The following TAFA2 variants were observed in gnomAD, a reference collection of about 807,000 sequenced individuals.
TAFA2 encodes chemokine-like protein TAFA-2.
A neutral mutation model predicts 18.8 loss-of-function variants in TAFA2; 7 were observed. The ratio of observed to expected loss-of-function variants is 0.37; its 90% CI spans 0.21 to 0.70. The LOEUF is 0.70. Ranked by LOEUF, TAFA2 falls within the 30% of genes least tolerant of loss-of-function variation. The pLI is 0.53. For synonymous variants in TAFA2, 60 were observed against 54.2 expected (o/e 1.11, Z -0.47); for missense variants, 122 against 158.1 (o/e 0.77, Z 1.23).
At chr12:61,847,067 ACTATCT>A (rs1264546307) in intron 2 of TAFA2, among the ~76,000 whole-genome samples, 1 of 152,210 alleles carries the variant, frequency 6.6e-6, no homozygotes, top group Non-Finnish European at 1.5e-5. Context: ...CTACACAGCA[ACTATCT>A]CTTACTTTCA....
At chr12:61,788,013 T>C (rs1451439138) in intron 2 of TAFA2, among the ~76,000 whole-genome samples, 1 of 151,582 alleles carries the variant, frequency 6.6e-6, no homozygotes, top group Non-Finnish European at 1.5e-5. Context: ...GAAAAAGATA[T>C]TACATGCAAA....
intron 1 of TAFA2, among the ~76,000 whole-genome samples, chr12:62,199,943 T>C (rs575332804): frequency 6.6e-6 from 1 of 152,262 alleles, no homozygotes; most frequent in South Asian, 2.1e-4. Flanking sequence ...TAATAAACAC[T>C]ATTCTGATTG....
At position 62,041,545 on chromosome 12, in the gene TAFA2, C is replaced by T. The variant is rs534803053; in HGVS notation, c.-2+149714G>A. Among the ~76,000 whole-genome samples the T allele has an allele frequency of 1.1e-4, 16 of 152,222 alleles. No homozygotes were observed. The South Asian group carries it at 3.1e-3, about 30-fold the overall frequency. ...ACATAAAGGTAATCAGAGTTTACTG[C>T]TGACAAAATAAAATATTTTCCCACA... On this transcript the variant is annotated intron_variant, in intron 1 of 4. Transcript: ENST00000416284.
At chr12:61,923,312 G>C (rs935640574) in intron 1 of TAFA2, among the ~76,000 whole-genome samples, 1 of 152,162 alleles carries the variant, frequency 6.6e-6, no homozygotes, top group Non-Finnish European at 1.5e-5. Flanking sequence ...CTCCCAGCAG[G>C]GGTCAACAAA....
chr12:62,221,807 A>G (rs529056580), intron 1 of TAFA2, among the ~76,000 whole-genome samples: 9 of 152,340 alleles, frequency 5.9e-5, no homozygotes, highest in African/African-American at 1.9e-4. Flanking sequence ...AGCTCTGACC[A>G]TCAAGTTAAG....
chr12:62,164,956 T>A (rs2062429104), intron 1 of TAFA2, among the ~76,000 whole-genome samples: 1 of 152,106 alleles, frequency 6.6e-6, no homozygotes, highest in Non-Finnish European at 1.5e-5. Flanking sequence ...CCAGAGAAAT[T>A]AAATGATTTT....
chr12:62,105,565 T>C (rs989975454), intron 1 of TAFA2, among the ~76,000 whole-genome samples: 4 of 152,174 alleles, frequency 2.6e-5, no homozygotes, highest in Non-Finnish European at 4.4e-5. Context: ...AAATACAAAA[T>C]GTATAACAGA....
intron 1 of TAFA2, among the ~76,000 whole-genome samples, chr12:62,168,434 A>G (rs2062454449): frequency 6.6e-6 from 1 of 152,246 alleles, no homozygotes; most frequent in Non-Finnish European, 1.5e-5. Flanking sequence ...CAAAGATTCA[A>G]TCAGCAAAAT....
intron 4 of TAFA2, among the ~76,000 whole-genome samples, chr12:61,738,807 A>T (rs1385302088): frequency 6.6e-6 from 1 of 152,070 alleles, no homozygotes; most frequent in East Asian, 1.9e-4. Context: ...CCTCCAATGA[A>T]TTTGTGCTTT....
At chr12:62,170,473 G>A (rs578223994) in intron 1 of TAFA2, among the ~76,000 whole-genome samples, 1 of 152,292 alleles carries the variant, frequency 6.6e-6, no homozygotes, top group South Asian at 2.1e-4. Context: ...AGGATCTTGA[G>A]ATAGATCACT....
Position 62,165,686 on chromosome 12 carries a change from C to T in TAFA2, c.-2+25573G>A, listed in dbSNP as rs79234340. ...TTCCTCACCCTTCGTAAGTAATCTG[C>T]CACAAATTCCATCATATCCTTTCTT... On this transcript the variant is annotated intron_variant, in intron 1 of 4. Coordinates refer to ENST00000416284, the MANE Select transcript of TAFA2 (RefSeq NM_178539.5). 2.7e-3 allele frequency among the ~76,000 whole-genome samples: 406 copies of T among 152,080 alleles called. 3 individuals carry two copies. Among genetic ancestry groups the T allele is most frequent in the African/African-American group, 8.5e-3 (354 of 41,500 alleles).
intron 1 of TAFA2, among the ~76,000 whole-genome samples, chr12:62,149,819 C>T (rs982597569): frequency 3.9e-5 from 6 of 152,066 alleles, no homozygotes; most frequent in African/African-American, 1.4e-4. Context: ...TAATATTATG[C>T]CTTGGCCTTT....
At chr12:62,246,316 A>G (rs1485633079) in intron 1 of TAFA2, among the ~76,000 whole-genome samples, 1 of 152,150 alleles carries the variant, frequency 6.6e-6, no homozygotes, top group African/African-American at 2.4e-5. Flanking sequence ...TCTATATGCT[A>G]TGTAATCTCT....
intron 1 of TAFA2, among the ~76,000 whole-genome samples, chr12:62,071,027 A>G (rs145795061): frequency 1.4e-3 from 217 of 152,344 alleles, no homozygotes; most frequent in African/African-American, 4.7e-3. Flanking sequence ...CTACTTAAGT[A>G]AAAAGCAAAA....
chr12:62,011,066 G>A (rs1320914596), intron 1 of TAFA2, among the ~76,000 whole-genome samples: 1 of 120,196 alleles, frequency 8.3e-6, no homozygotes, highest in South Asian at 2.9e-4. Flanking sequence ...CTGCCCAGCC[G>A]CCCCGTCTGG....
chr12:61,786,385 A>C (rs1003218153), intron 2 of TAFA2, among the ~76,000 whole-genome samples: 1 of 151,632 alleles, frequency 6.6e-6, no homozygotes, highest in Admixed American at 6.6e-5. Context: ...AAAATTCAAA[A>C]ATACCAAGCA....
chr12:62,060,743 G>C (rs9737758), intron 1 of TAFA2, among the ~76,000 whole-genome samples: 4,792 of 152,200 alleles, frequency 0.031, 252 homozygotes, highest in African/African-American at 0.11. Context: ...CAGTGATACT[G>C]ATGATCCTGA....
At chr12:62,095,367 A>G (rs1347203903) in intron 1 of TAFA2, among the ~76,000 whole-genome samples, 1 of 152,132 alleles carries the variant, frequency 6.6e-6, no homozygotes, top group Non-Finnish European at 1.5e-5. Flanking sequence ...TATTCTAATC[A>G]TGAGGAAAAT....
At chr12:61,973,576 C>T (rs769083753) in intron 1 of TAFA2, among the ~76,000 whole-genome samples, 1 of 151,520 alleles carries the variant, frequency 6.6e-6, no homozygotes, top group Non-Finnish European at 1.5e-5. Flanking sequence ...AGCTATCACC[C>T]AGAACAATTA....
Sources: allele counts gnomAD v4.1 joint callset (sites outside exome capture counted in the v4.1 genomes callset), GRCh38; gene constraint gnomAD v4.1.1; transcripts MANE v1.5; gene names NCBI Gene and HGNC (gene_info 2026-07-23, HGNC 2026-07-21).